The following SDK1 variants were observed in gnomAD, a reference collection of about 807,000 sequenced individuals.
SDK1 encodes protein sidekick-1.
In SDK1, 157 loss-of-function variants were observed where a neutral mutation model predicts 245.5. That is an observed-to-expected ratio of 0.64 (90% CI 0.56 to 0.73). The LOEUF (loss-of-function observed/expected upper bound fraction) is 0.73. Among genes scored for constraint, SDK1 ranks in the 30% least tolerant of loss-of-function variants. The probability of loss-of-function intolerance (pLI) is 0.00; values close to 1 mark genes in which losing one functional copy is unlikely to be tolerated. For synonymous variants in SDK1, 1,647 were observed against 1,278.5 expected, an observed-to-expected ratio of 1.29 and a Z score of -6.15; for missense variants, 3,583 against 3,002.3, an observed-to-expected ratio of 1.19 and a Z score of -4.52.
intron 1 of SDK1, among the ~76,000 whole-genome samples, chr7:3,559,849 C>A (rs1242647381): frequency 6.6e-6 from 1 of 151,782 alleles, no homozygotes; most frequent in Non-Finnish European, 1.5e-5. Flanking sequence ...CTTCACAAGG[C>A]TGGTCTTTGT....
chr7:3,877,842 T>C lies in SDK1; in HGVS notation c.847+56259T>C, dbSNP rs142487608. On this transcript the variant is annotated intron_variant, in intron 5 of 44. Transcript: ENST00000404826. ...AACACCTTCATAGAATGCCATGATATGGATTTTCTAAATGTATTTAGCCAT... is the reference window on the plus strand; with the variant it reads ...AACACCTTCATAGAATGCCATGATACGGATTTTCTAAATGTATTTAGCCAT... 2.1e-3 allele frequency among the ~76,000 whole-genome samples: 318 copies of C among 152,386 alleles called. 1 individual carries two copies. Among genetic ancestry groups the C allele is most frequent in the African/African-American group, 7.3e-3 (304 of 41,602 alleles).
At chr7:4,232,333 T>C (rs1362332117) in intron 40 of SDK1, among the ~76,000 whole-genome samples, 3 of 151,228 alleles carry the variant, frequency 2.0e-5, no homozygotes, top group African/African-American at 7.3e-5. Context: ...CTTTCAGCCC[T>C]GATGCTATAG....
intron 4 of SDK1, among the ~76,000 whole-genome samples, chr7:3,785,226 A>G (rs1780862901): frequency 6.6e-6 from 1 of 152,178 alleles, no homozygotes; most frequent in Non-Finnish European, 1.5e-5. Context: ...GTGATGGTCC[A>G]AGAGTTAAAA....
intron 19 of SDK1, among the ~76,000 whole-genome samples, chr7:4,064,937 A>C (rs910101320): frequency 6.6e-6 from 1 of 152,116 alleles, no homozygotes; most frequent in African/African-American, 2.4e-5. Context: ...GGAGAAAGAG[A>C]GGTTAGTTGA....
At chr7:3,310,912 G>C (rs1427600728) in intron 1 of SDK1, among the ~76,000 whole-genome samples, 1 of 152,190 alleles carries the variant, frequency 6.6e-6, no homozygotes, top group Non-Finnish European at 1.5e-5. Flanking sequence ...GCTTCCTGTA[G>C]TTGTTGTGAG....
intron 2 of SDK1, among the ~76,000 whole-genome samples, chr7:3,623,712 G>A (rs1229601071): frequency 6.6e-6 from 1 of 152,104 alleles, no homozygotes; most frequent in Non-Finnish European, 1.5e-5. Context: ...ACTTTGGAAT[G>A]AAAAAATCTT....
At chr7:3,446,950 GA>G (rs536248384) in intron 1 of SDK1, among the ~76,000 whole-genome samples, 5 of 151,762 alleles carry the variant, frequency 3.3e-5, no homozygotes, top group Non-Finnish European at 7.4e-5. Context: ...GAAAAAGGTT[GA>G]AAAAAAATAC....
At chr7:3,564,351 C>T (rs959367128) in intron 1 of SDK1, among the ~76,000 whole-genome samples, 1 of 152,086 alleles carries the variant, frequency 6.6e-6, no homozygotes, top group South Asian at 2.1e-4. Context: ...AAATACAGGA[C>T]AATGCTGGCA....
chr7:3,783,656 G>A (rs1329846295), intron 4 of SDK1, among the ~76,000 whole-genome samples: 1 of 152,116 alleles, frequency 6.6e-6, no homozygotes, highest in African/African-American at 2.4e-5. Flanking sequence ...TCAAACAAAG[G>A]AGTGAAGACC....
rs1299765953 is a variant in SDK1 at position 3,499,536 on chromosome 7, C to T, written c.299-119544C>T. Among the ~76,000 whole-genome samples, 4 of 152,206 alleles carry T rather than the reference C, an allele frequency of 2.6e-5. No individual in the cohort carries two copies. In the East Asian group the frequency reaches 7.7e-4, roughly 29 times the overall value. ...TCTCATTGTTTCCGTCTCTCTCAGC[C>T]TCAGAGGTAAACACGTCAGGTTTGC... is the stretch of plus-strand genomic sequence containing the variant. On this transcript the variant is annotated intron_variant, in intron 1 of 44. Coordinates refer to ENST00000404826, the MANE Select transcript of SDK1 (RefSeq NM_152744.4).
intron 14 of SDK1, among the ~76,000 whole-genome samples, chr7:3,987,749 C>CCAGGGG: frequency 6.6e-6 from 1 of 152,328 alleles, no homozygotes; most frequent in African/African-American, 2.4e-5. Context: ...CTTCCTGACT[C>CCAGGGG]ACCTTCCAGG....
intron 1 of SDK1, among the ~76,000 whole-genome samples, chr7:3,394,827 A>G (rs912429322): frequency 7.9e-5 from 12 of 151,936 alleles, no homozygotes; most frequent in Non-Finnish European, 1.5e-4. Context: ...AATATAATTG[A>G]TTTTTATATA....
chr7:3,868,478 A>G (rs1219963215), intron 5 of SDK1, among the ~76,000 whole-genome samples: 2 of 152,218 alleles, frequency 1.3e-5, no homozygotes, highest in Non-Finnish European at 2.9e-5. Context: ...CAACTGGTTA[A>G]TGAATTTGCT....
At chr7:3,707,125 T>G (rs1459044520) in intron 4 of SDK1, among the ~76,000 whole-genome samples, 1 of 152,222 alleles carries the variant, frequency 6.6e-6, no homozygotes, top group African/African-American at 2.4e-5. Flanking sequence ...GTTTCTCTAG[T>G]TCCTTGAGAT....
intron 4 of SDK1, among the ~76,000 whole-genome samples, chr7:3,731,935 G>A (rs755691222): frequency 3.9e-5 from 6 of 152,090 alleles, no homozygotes; most frequent in African/African-American, 7.2e-5. Flanking sequence ...GGGACTACAG[G>A]TGCCCACCAC....
intron 4 of SDK1, among the ~76,000 whole-genome samples, chr7:3,685,046 G>C (rs1050899862): frequency 6.6e-6 from 1 of 152,144 alleles, no homozygotes; most frequent in Admixed American, 6.5e-5. Flanking sequence ...AAGGAGATGA[G>C]AAAGAAGGTT....
chr7:4,205,516 A>C (rs1343689596), intron 35 of SDK1, among the ~76,000 whole-genome samples: 1 of 152,134 alleles, frequency 6.6e-6, no homozygotes, highest in Non-Finnish European at 1.5e-5. Flanking sequence ...ATTAACCAAG[A>C]AGCACGTGGA....
chr7:3,681,769 C>A lies in SDK1; in HGVS notation c.713+39664C>A, dbSNP rs1583302230. Among the ~76,000 whole-genome samples, 3 of 152,092 alleles carry A rather than the reference C, an allele frequency of 2.0e-5. No individual in the cohort carries two copies. The South Asian group carries it at 6.2e-4, about 32-fold the overall frequency. ...ACATTGAATCTATGAATGCTGCAGC[C>A]AAAAGATAGCTTTCTATTTATTGAT... is the stretch of plus-strand genomic sequence containing the variant. On this transcript the variant is annotated intron_variant, in intron 4 of 44. Transcript: ENST00000404826.
At chr7:3,568,985 C>T (rs1481635432) in intron 1 of SDK1, among the ~76,000 whole-genome samples, 1 of 147,024 alleles carries the variant, frequency 6.8e-6, no homozygotes, top group Non-Finnish European at 1.5e-5. Context: ...AATTTATTGC[C>T]GAATATTTAG....
Sources: gnomAD v4.1 joint callset for allele counts (sites outside exome capture counted in the v4.1 genomes callset) on GRCh38, gnomAD v4.1.1 for gene constraint, MANE v1.5 for transcripts, NCBI Gene and HGNC (gene_info 2026-07-23, HGNC 2026-07-21) for gene names.